Variants in A2ML1 observed in about 807,000 individuals in gnomAD.
A2ML1 encodes the protein alpha-2-macroglobulin-like protein 1.
A2ML1 carries 161 observed loss-of-function variants against 181.9 expected under a neutral mutation model. That is an observed-to-expected ratio of 0.89 (90% CI 0.78 to 1.01). The LOEUF is 1.01. Among genes scored for constraint, A2ML1 ranks in the 50% least tolerant of loss-of-function variants. The pLI is 0.00. For synonymous variants in A2ML1, 663 were observed against 666.8 expected (o/e 0.99, Z 0.09); for missense variants, 1,670 against 1,768.1 (o/e 0.94, Z 1.00).
In A2ML1 at chr12:8,874,362, C is replaced by G. The variant is rs1944730294; in HGVS notation, c.4222-63C>G. The G allele has an allele frequency of 8.4e-6, 11 of 1,303,616 alleles. No individual in the cohort carries two copies. In the South Asian group the frequency reaches 1.2e-4, roughly 14 times the overall value. The allele number at this position is 1,303,616 out of a possible 1,614,324, so 80.8% of individuals were successfully genotyped here. On this transcript the variant is annotated intron_variant, in intron 33 of 35. Transcript: ENST00000299698. ...AAGACAGCAAGGGTCTTTTATTCCA[C>G]ATTGCATACAGTGTAATTTTCATTT...
Position 8,847,549 on chromosome 12 carries a change from G to A in A2ML1, c.1684G>A (p.Val562Ile), listed in dbSNP as rs750546906. Reference sequence around the variant, plus strand: ...CAAGTTATACCTTTCCCTTCCCCAGGTTTCCCTTGGCTTCTCCCCCTCCCA... The same window carrying A: ...CAAGTTATACCTTTCCCTTCCCCAGATTTCCCTTGGCTTCTCCCCCTCCCA... ...FSVEMCFDNQ[V>I]SLGFSPSQQL... The change falls in exon 15 of 36, where the codon GTT becomes ATT. Residue 562 changes from valine (V) to isoleucine (I), a missense_variant and splice_region_variant. Transcript: ENST00000299698. 6.2e-7 allele frequency: 1 copy of A among 1,606,654 alleles called. No homozygotes were observed. The highest frequency in any genetic ancestry group is 8.5e-7 in the Non-Finnish European group (1 of 1,177,152).
intron 3 of A2ML1, 148 bp downstream of exon 3, chr12:8,824,030 G>A: frequency 1.2e-6 from 1 of 853,456 alleles, no homozygotes; most frequent in East Asian, 2.6e-5. Flanking sequence ...TAGTGCAAGT[G>A]TTGAATACAT....
intron 20 of A2ML1, among the ~76,000 whole-genome samples, chr12:8,853,459 G>A (rs1407617870): frequency 6.6e-6 from 1 of 152,182 alleles, no homozygotes; most frequent in Non-Finnish European, 1.5e-5. Flanking sequence ...CAGATTCTAT[G>A]GGTCATTAAT....
intron 23 of A2ML1, 131 bp from the exon 24 acceptor site, chr12:8,857,033 A>T: frequency 1.1e-6 from 1 of 878,210 alleles, no homozygotes; most frequent in South Asian, 2.0e-5. Flanking sequence ...GGCGTGAGCC[A>T]CCACGCCCGG....
chr12:8,850,606 GA>G (rs575269383), intron 18 of A2ML1, among the ~76,000 whole-genome samples: 28 of 151,318 alleles, frequency 1.9e-4, no homozygotes, highest in Non-Finnish European at 3.7e-4. Flanking sequence ...AACAAACCCA[GA>G]AAAAAAACAG....
In A2ML1 at chr12:8,823,782, T is replaced by A. The variant is rs750113751; in HGVS notation, c.309T>A (p.Asn103Lys). ...VATIRVSGVG[N>K]NISFEEKKKV... ...CAATCCGGGTGTCGGGAGTTGGAAA[T>A]AACATCAGCTTTGAGGAGAAGAAAA... The change falls in exon 3 of 36, where the codon AAT becomes AAA. Residue 103 changes from asparagine to lysine, a missense_variant. Coordinates refer to ENST00000299698, the MANE Select transcript of A2ML1 (RefSeq NM_144670.6). 23 of 1,613,966 alleles carry A rather than the reference T, an allele frequency of 1.4e-5. No homozygotes were observed. The South Asian group carries it at 2.5e-4, about 18-fold the overall frequency.
intron 12 of A2ML1, 188 bp from the exon 13 acceptor site, chr12:8,845,254 G>T: frequency 6.7e-7 from 1 of 1,501,976 alleles, no homozygotes; most frequent in Non-Finnish European, 9.0e-7. Flanking sequence ...TGCAGGAGGA[G>T]CCACCAGGAC....
At chr12:8,847,299 T>C (rs1943725426) in intron 14 of A2ML1, among the ~76,000 whole-genome samples, 1 of 150,930 alleles carries the variant, frequency 6.6e-6, no homozygotes, top group Non-Finnish European at 1.5e-5. Flanking sequence ...TATATAGTTA[T>C]TCCACATGTT....
chr12:8,874,863 C>A, intron 34 of A2ML1, 108 bp from the exon 35 acceptor site: 1 of 1,030,404 alleles, frequency 9.7e-7, no homozygotes, highest in African/African-American at 1.6e-5. Context: ...ATGCTCATAA[C>A]CTGTAGAGAT....
chr12:8,823,260 C>G lies in A2ML1; in HGVS notation c.141C>G (p.Tyr47Ter), dbSNP rs778669722. ...QKVCLDLSPG[Y>*]SDVKFTVTLE... ...TTTGTTTGGACCTGAGCCCTGGGTACAGTGATGTTAAATTCACGGTTACTC... is the reference window on the plus strand; with the variant it reads ...TTTGTTTGGACCTGAGCCCTGGGTAGAGTGATGTTAAATTCACGGTTACTC... The change falls in exon 2 of 36, where the codon TAC (tyrosine) becomes TAG (stop). Residue 47 changes from tyrosine to a stop codon, truncating the protein, a stop_gained. Transcript: ENST00000299698. LOFTEE classifies it high-confidence loss of function. The G allele has an allele frequency of 5.0e-6, 8 of 1,614,104 alleles. No homozygotes were observed. The highest frequency in any genetic ancestry group is 6.8e-6 in the Non-Finnish European group (8 of 1,179,992).
At chr12:8,828,292 G>A (rs887800955) in intron 3 of A2ML1, among the ~76,000 whole-genome samples, 1 of 152,150 alleles carries the variant, frequency 6.6e-6, no homozygotes, top group African/African-American at 2.4e-5. Context: ...CTGTTCTACT[G>A]CAGCTGAGTT....
At chr12:8,868,702 T>TA in intron 32 of A2ML1, 75 bp downstream of exon 32, 3 of 1,223,692 alleles carry the variant, frequency 2.5e-6, no homozygotes, top group Non-Finnish European at 3.5e-6. Flanking sequence ...ACTGGTAAAA[T>TA]GGGCATCATG....
chr12:8,853,635 C>T (rs566296632), intron 20 of A2ML1, among the ~76,000 whole-genome samples: 66 of 152,156 alleles, frequency 4.3e-4, no homozygotes, highest in Non-Finnish European at 9.0e-4. Context: ...GACTGAAGGA[C>T]ACAGTTCTTG....
At chr12:8,834,534 A>T in intron 4 of A2ML1, 128 bp from the exon 5 acceptor site, 1 of 1,163,212 alleles carries the variant, frequency 8.6e-7, no homozygotes. Flanking sequence ...AGAGCCATTT[A>T]GAAAGGAAGA....
intron 29 of A2ML1, among the ~76,000 whole-genome samples, chr12:8,865,707 G>T (rs1459357322): frequency 6.6e-6 from 1 of 152,180 alleles, no homozygotes; most frequent in Non-Finnish European, 1.5e-5. Flanking sequence ...TTGGGAAATT[G>T]AATGAGTGGT....
At chr12:8,833,236 G>A (rs1246568890) in intron 4 of A2ML1, among the ~76,000 whole-genome samples, 1 of 152,068 alleles carries the variant, frequency 6.6e-6, no homozygotes, top group Non-Finnish European at 1.5e-5. Flanking sequence ...GCCTCCCAAA[G>A]TGCTGGGATT....
At chr12:8,846,056 A>G (rs1943672696) in intron 13 of A2ML1, 21 bp from the exon 14 acceptor site, 9 of 1,613,856 alleles carry the variant, frequency 5.6e-6, no homozygotes, top group Non-Finnish European at 6.8e-6. Flanking sequence ...ATTTTCCTGT[A>G]TATTCCCTCT....
At chr12:8,884,248 T>G (rs1223257925) in intron 7 of A2ML1, among the ~76,000 whole-genome samples, 1 of 138,658 alleles carries the variant, frequency 7.2e-6, no homozygotes, top group African/African-American at 2.6e-5. Flanking sequence ...TTTGTTTTGT[T>G]TTTTTTTAAC....
Position 8,841,275 on chromosome 12 carries a change from A to G in A2ML1, c.1081-94A>G, listed in dbSNP as rs528942516. On this transcript the variant is annotated intron_variant, in intron 10 of 35. Coordinates refer to ENST00000299698, the MANE Select transcript of A2ML1 (RefSeq NM_144670.6). ...GTTATTACTTTTAGTGCCAAAAACCACAATTAGTTTGCACCAACCTAATAT... is the reference window on the plus strand; with the variant it reads ...GTTATTACTTTTAGTGCCAAAAACCGCAATTAGTTTGCACCAACCTAATAT... 1.4e-4 allele frequency: 165 copies of G among 1,206,990 alleles called. No homozygotes were observed. The South Asian group carries it at 2.4e-3, about 18-fold the overall frequency. The allele number at this position is 1,206,990 out of a possible 1,614,324, so 74.8% of individuals were successfully genotyped here.
Sources: gnomAD v4.1 joint callset for allele counts (sites outside exome capture counted in the v4.1 genomes callset) on GRCh38, gnomAD v4.1.1 for gene constraint, MANE v1.5 for transcripts, NCBI Gene and HGNC (gene_info 2026-07-23, HGNC 2026-07-21) for gene names.